The following DMRT1 variants were observed in gnomAD, a reference collection of about 807,000 sequenced individuals.
DMRT1 encodes doublesex- and mab-3-related transcription factor 1.
A neutral mutation model predicts 32.3 loss-of-function variants in DMRT1; 7 were observed. That is an observed-to-expected ratio of 0.22 (90% CI 0.12 to 0.41). The LOEUF (loss-of-function observed/expected upper bound fraction) is 0.41, where lower values mean the gene tolerates loss of function less well. DMRT1 is among the 10% of genes least tolerant of loss of function. The pLI, the probability that DMRT1 is intolerant of heterozygous loss-of-function variation, is 1.00. For synonymous variants in DMRT1, 278 were observed against 206.1 expected (o/e 1.35, Z -2.99); for missense variants, 625 against 500.5 (o/e 1.25, Z -2.37).
intron 1 of DMRT1, chr9:842,573 C>T (rs1838734623): frequency 4.7e-6 from 1 of 214,660 alleles, no homozygotes. Context: ...CCCAGCATGG[C>T]CGTTGCCATG....
chr9:927,006 C>T (rs1288546631), intron 4 of DMRT1, among the ~76,000 whole-genome samples: 2 of 152,254 alleles, frequency 1.3e-5, no homozygotes, highest in Admixed American at 6.5e-5. Context: ...TTGGATGTGA[C>T]ACTAGCCAGT....
intron 4 of DMRT1, among the ~76,000 whole-genome samples, chr9:921,847 G>C (rs1254380482): frequency 6.6e-6 from 1 of 152,082 alleles, no homozygotes; most frequent in African/African-American, 2.4e-5. Flanking sequence ...ACTCCAGCCT[G>C]GGTGACAGAG....
rs145015743 is a variant in DMRT1 at position 903,541 on chromosome 9, G to C, written c.822+9346G>C. Among the ~76,000 whole-genome samples the C allele has an allele frequency of 4.6e-5, 7 of 152,322 alleles. No homozygotes were observed. In the South Asian group the frequency reaches 8.3e-4, roughly 18 times the overall value. Reference sequence around the variant, plus strand: ...CAAGGGTAGTTGTTTGTAAGAACTGGTGCCTGCGATGACAATTTTCCCAGT... The same window carrying C: ...CAAGGGTAGTTGTTTGTAAGAACTGCTGCCTGCGATGACAATTTTCCCAGT... On this transcript the variant is annotated intron_variant, in intron 3 of 4. Coordinates refer to ENST00000382276, the MANE Select transcript of DMRT1 (RefSeq NM_021951.3).
chr9:959,700 G>T (rs2129991106), intron 4 of DMRT1, among the ~76,000 whole-genome samples: 1 of 141,006 alleles, frequency 7.1e-6, no homozygotes, highest in East Asian at 2.1e-4. Context: ...GCTAATTTTT[G>T]TATTTCCAGT....
At chr9:959,141 G>A (rs745616154) in intron 4 of DMRT1, among the ~76,000 whole-genome samples, 5 of 152,236 alleles carry the variant, frequency 3.3e-5, no homozygotes, top group Non-Finnish European at 5.9e-5. Context: ...CAAATGATAA[G>A]TCTATTTCAG....
At chr9:911,882 C>G (rs1018669775) in intron 3 of DMRT1, among the ~76,000 whole-genome samples, 5 of 152,094 alleles carry the variant, frequency 3.3e-5, no homozygotes, top group African/African-American at 1.2e-4. Context: ...AGCAAGTTGT[C>G]ACGTGGATGG....
At chr9:900,598 A>G (rs1817535028) in intron 3 of DMRT1, among the ~76,000 whole-genome samples, 1 of 152,088 alleles carries the variant, frequency 6.6e-6, no homozygotes, top group Non-Finnish European at 1.5e-5. Flanking sequence ...GTTATGATGA[A>G]CAAATATGAT....
At chr9:964,406 CAG>C (rs951206389) in intron 4 of DMRT1, among the ~76,000 whole-genome samples, 1 of 152,000 alleles carries the variant, frequency 6.6e-6, no homozygotes, top group Admixed American at 6.6e-5. Flanking sequence ...TGAGAGAAAA[CAG>C]ATACTAGATT....
chr9:908,214 G>C lies in DMRT1; in HGVS notation c.823-8549G>C, dbSNP rs187311541. On this transcript the variant is annotated intron_variant, in intron 3 of 4. Coordinates refer to ENST00000382276, the MANE Select transcript of DMRT1 (RefSeq NM_021951.3). ...ATGCCTGTAATCCTAGCTCTTGGAG[G>C]GGGGCCCAAGGTGAGAGGATCACTT... Among the ~76,000 whole-genome samples, 220 of 152,208 alleles carry C rather than the reference G, an allele frequency of 1.4e-3. 1 individual carries two copies. The highest frequency in any genetic ancestry group is 2.5e-3 in the Non-Finnish European group (169 of 68,010).
Position 968,120 on chromosome 9 carries a change from T to A in DMRT1, c.1103T>A (p.Val368Asp). 6.2e-7 allele frequency: 1 copy of A among 1,613,276 alleles called. No individual in the cohort carries two copies. The highest frequency in any genetic ancestry group is 8.5e-7 in the Non-Finnish European group (1 of 1,179,996). Residue 368 changes from valine to aspartate, a missense_variant, in exon 5 of 5, where the codon GTC becomes GAC. Coordinates refer to ENST00000382276, the MANE Select transcript of DMRT1 (RefSeq NM_021951.3). The part of the protein sequence containing the change: ...SEPSSFTVTP[V>D]IEEDE Reference sequence around the variant, plus strand: ...CCCAGCAGCTTCACAGTCACTCCCGTCATCGAGGAGGACGAGTGAGCAGTG... The same window carrying A: ...CCCAGCAGCTTCACAGTCACTCCCGACATCGAGGAGGACGAGTGAGCAGTG...
At chr9:909,269 A>G (rs1215748146) in intron 3 of DMRT1, among the ~76,000 whole-genome samples, 1 of 152,186 alleles carries the variant, frequency 6.6e-6, no homozygotes, top group Non-Finnish European at 1.5e-5. Flanking sequence ...TGCTTTGGTA[A>G]TCTCTGAAAT....
chr9:893,844 T>C, intron 2 of DMRT1, 68 bp from the exon 3 acceptor site: 1 of 1,492,568 alleles, frequency 6.7e-7, no homozygotes, highest in Non-Finnish European at 9.2e-7. Context: ...GGTAGGAAGG[T>C]TTAGAAGTAA....
chr9:875,549 T>G (rs1265262898), intron 2 of DMRT1, among the ~76,000 whole-genome samples: 1 of 152,196 alleles, frequency 6.6e-6, no homozygotes, highest in Non-Finnish European at 1.5e-5. Flanking sequence ...GTACAAATTC[T>G]GTACAATGAA....
intron 4 of DMRT1, among the ~76,000 whole-genome samples, chr9:937,100 T>C (rs551975195): frequency 1.3e-5 from 2 of 152,356 alleles, no homozygotes; most frequent in East Asian, 3.9e-4. Context: ...GATGCCATAT[T>C]TGTCCTTTTG....
chr9:934,526 GT>G (rs1818824612), intron 4 of DMRT1, among the ~76,000 whole-genome samples: 1 of 152,120 alleles, frequency 6.6e-6, no homozygotes, highest in African/African-American at 2.4e-5. Context: ...ATGAGACCCT[GT>G]CTCAAAAATT....
chr9:847,209 C>T (rs1391599044), intron 2 of DMRT1, 66 bp downstream of exon 2: 2 of 1,521,594 alleles, frequency 1.3e-6, no homozygotes, highest in Non-Finnish European at 1.8e-6. Context: ...GTTGCAGCCA[C>T]AGAAGCAGGG....
chr9:887,919 C>T (rs984914782), intron 2 of DMRT1, among the ~76,000 whole-genome samples: 11 of 152,164 alleles, frequency 7.2e-5, no homozygotes, highest in African/African-American at 2.4e-4. Flanking sequence ...AAGCTTTGAA[C>T]ATAGTTGTTA....
At chr9:868,090 A>G (rs1589473355) in intron 2 of DMRT1, among the ~76,000 whole-genome samples, 1 of 151,980 alleles carries the variant, frequency 6.6e-6, no homozygotes, top group Admixed American at 6.6e-5. Context: ...CAGTCCTCCC[A>G]CCTCAGCCTC....
intron 3 of DMRT1, among the ~76,000 whole-genome samples, chr9:914,427 A>G (rs1818100725): frequency 6.6e-6 from 1 of 151,970 alleles, no homozygotes; most frequent in African/African-American, 2.4e-5. Flanking sequence ...GCAAAAAATT[A>G]GCCAGGCATG....
Sources: allele counts gnomAD v4.1 joint callset (sites outside exome capture counted in the v4.1 genomes callset), GRCh38; gene constraint gnomAD v4.1.1; transcripts MANE v1.5; gene names NCBI Gene and HGNC (gene_info 2026-07-23, HGNC 2026-07-21).